The following THSD7B variants were observed in gnomAD, a reference collection of about 807,000 sequenced individuals.
THSD7B encodes the protein thrombospondin type-1 domain-containing protein 7B.
A neutral mutation model predicts 213.6 loss-of-function variants in THSD7B; 138 were observed. That is an observed-to-expected ratio of 0.65 (90% CI 0.56 to 0.74). The LOEUF is 0.74. THSD7B is among the 30% of genes least tolerant of loss of function. The pLI is 0.00. For synonymous variants in THSD7B, 742 were observed against 687.0 expected (o/e 1.08, Z -1.25); for missense variants, 1,931 against 1,991.5 (o/e 0.97, Z 0.58).
chr2:137,581,390 C>A (rs1018620261), intron 17 of THSD7B, among the ~76,000 whole-genome samples: 9 of 152,224 alleles, frequency 5.9e-5, no homozygotes, highest in African/African-American at 1.9e-4. Context: ...GAGCTTGAGA[C>A]CAGCCTTCCC....
At chr2:136,925,924 A>T (rs1339874611) in intron 2 of THSD7B, among the ~76,000 whole-genome samples, 1 of 152,176 alleles carries the variant, frequency 6.6e-6, no homozygotes, top group East Asian at 1.9e-4. Context: ...CATTTTACTG[A>T]TATTGTTAGT....
At chr2:137,176,698 A>G (rs898493510) in intron 7 of THSD7B, among the ~76,000 whole-genome samples, 1 of 152,208 alleles carries the variant, frequency 6.6e-6, no homozygotes, top group African/African-American at 2.4e-5. Context: ...TGTTCACTGC[A>G]GTCTTGCTAG....
chr2:137,074,007 A>G (rs1441957458), intron 3 of THSD7B, among the ~76,000 whole-genome samples: 3 of 152,078 alleles, frequency 2.0e-5, no homozygotes, highest in African/African-American at 7.2e-5. Context: ...ACTTCCAACT[A>G]TGTGGTCAAT....
intron 3 of THSD7B, among the ~76,000 whole-genome samples, chr2:137,086,017 G>A (rs1687834616): frequency 1.3e-5 from 2 of 152,126 alleles, no homozygotes; most frequent in Non-Finnish European, 2.9e-5. Flanking sequence ...GTGCGTGTGT[G>A]TACTTAAACT....
At chr2:137,388,111 G>T (rs546376463) in intron 12 of THSD7B, among the ~76,000 whole-genome samples, 28 of 152,150 alleles carry the variant, frequency 1.8e-4, no homozygotes, top group Non-Finnish European at 4.0e-4. Flanking sequence ...TCTTCCCAAG[G>T]CAAGAACTAA....
Position 137,625,475 on chromosome 2 carries a change from T to TAA in THSD7B, c.3799+4759_3799+4760dup, listed in dbSNP as rs903341426. ...TGTGCCCTAGAACTTGAAGTATAAT[T>TAA]AAAAAAAAAAATAGAAAAATAGGCC... On this transcript the variant is annotated intron_variant, in intron 20 of 27. Coordinates refer to ENST00000409968, the MANE Select transcript of THSD7B (RefSeq NM_001316349.2). Among the ~76,000 whole-genome samples the TAA allele has an allele frequency of 3.4e-5, 5 of 148,128 alleles. No homozygotes were observed. The South Asian group carries it at 8.5e-4, about 25-fold the overall frequency.
chr2:137,623,433 C>G (rs189217597), intron 20 of THSD7B, among the ~76,000 whole-genome samples: 1 of 152,278 alleles, frequency 6.6e-6, no homozygotes, highest in Middle Eastern at 3.4e-3. Flanking sequence ...CACAGATGCC[C>G]TCTCTCACCA....
At chr2:137,567,323 C>T (rs11682842) in intron 16 of THSD7B, among the ~76,000 whole-genome samples, 22,872 of 151,854 alleles carry the variant, frequency 0.15, 1,929 homozygotes, top group South Asian at 0.26. Context: ...TGCCCACCAC[C>T]ACACCCAGCT....
intron 27 of THSD7B, among the ~76,000 whole-genome samples, chr2:137,670,696 C>T (rs373234458): frequency 3.9e-5 from 6 of 152,098 alleles, no homozygotes; most frequent in South Asian, 4.2e-4. Context: ...CCAAGGCGGG[C>T]GGATCACGAG....
chr2:137,206,653 A>T (rs1680990553), intron 7 of THSD7B, among the ~76,000 whole-genome samples: 1 of 152,064 alleles, frequency 6.6e-6, no homozygotes, highest in Non-Finnish European at 1.5e-5. Flanking sequence ...GAATAGAGAA[A>T]GACCATAAAG....
At chr2:137,328,412 C>T (rs985949147) in intron 12 of THSD7B, among the ~76,000 whole-genome samples, 6 of 152,092 alleles carry the variant, frequency 3.9e-5, no homozygotes, top group African/African-American at 1.2e-4. Context: ...TAATTTAAAA[C>T]GTTTAAATGT....
At chr2:137,591,634 G>A (rs115374776) in intron 17 of THSD7B, among the ~76,000 whole-genome samples, 1,935 of 151,806 alleles carry the variant, frequency 0.013, 55 homozygotes, top group African/African-American at 0.043. Flanking sequence ...ATATTCTTGC[G>A]TCCTATTTGT....
At chr2:137,181,739 C>A (rs1263664774) in intron 7 of THSD7B, among the ~76,000 whole-genome samples, 1 of 152,074 alleles carries the variant, frequency 6.6e-6, no homozygotes, top group African/African-American at 2.4e-5. Flanking sequence ...CTCTGGCACT[C>A]CCCCATGGAT....
chr2:137,553,237 G>A (rs1157286259), intron 15 of THSD7B, among the ~76,000 whole-genome samples: 1 of 152,132 alleles, frequency 6.6e-6, no homozygotes, highest in South Asian at 2.1e-4. Context: ...TTGACTTGCA[G>A]CTTCACTAGA....
chr2:136,817,057 T>C (rs1573652013), intron 1 of THSD7B, among the ~76,000 whole-genome samples: 1 of 152,280 alleles, frequency 6.6e-6, no homozygotes, highest in East Asian at 1.9e-4. Flanking sequence ...TTCCTCAATG[T>C]GTAGAAGCCT....
At chr2:137,532,099 C>T (rs1053922637) in intron 15 of THSD7B, among the ~76,000 whole-genome samples, 11 of 151,808 alleles carry the variant, frequency 7.2e-5, no homozygotes, top group Non-Finnish European at 1.3e-4. Flanking sequence ...AAGTTAATTG[C>T]GTAACATGAT....
At chr2:137,434,888 A>C (rs1035399067) in intron 14 of THSD7B, among the ~76,000 whole-genome samples, 3 of 152,212 alleles carry the variant, frequency 2.0e-5, no homozygotes, top group Non-Finnish European at 4.4e-5. Flanking sequence ...GTCAGCTGCA[A>C]ACATTTTTTT....
At chr2:137,137,386 G>A (rs771457300) in intron 5 of THSD7B, among the ~76,000 whole-genome samples, 8 of 152,166 alleles carry the variant, frequency 5.3e-5, no homozygotes, top group Non-Finnish European at 8.8e-5. Flanking sequence ...CATGTAGTAT[G>A]TACAGTCAGG....
intron 18 of THSD7B, 26 bp downstream of exon 18, chr2:137,616,342 C>G (rs545568442): frequency 6.2e-7 from 1 of 1,602,496 alleles, no homozygotes; most frequent in East Asian, 2.2e-5. Flanking sequence ...ATGACCTTGT[C>G]GTTCTCCCTG....
Sources: gnomAD v4.1 joint callset for allele counts (sites outside exome capture counted in the v4.1 genomes callset) on GRCh38, gnomAD v4.1.1 for gene constraint, MANE v1.5 for transcripts, NCBI Gene and HGNC (gene_info 2026-07-23, HGNC 2026-07-21) for gene names.